ASIC3: variants seen among roughly 807,000 people sequenced by gnomAD.
ASIC3 encodes the protein acid sensing ion channel subunit 3.
In ASIC3, 46 loss-of-function variants were observed where a neutral mutation model predicts 58.6. The observed-to-expected ratio is 0.79, with a 90% CI of 0.62 to 1.00. The LOEUF (loss-of-function observed/expected upper bound fraction) is 1.00, where lower values mean the gene tolerates loss of function less well. ASIC3 is among the 50% of genes least tolerant of loss of function. The pLI is 0.00. For synonymous variants in ASIC3, 336 were observed against 300.2 expected (o/e 1.12, Z -1.23); for missense variants, 770 against 735.0 (o/e 1.05, Z -0.55).
chr7:151,049,075 G>C lies in ASIC3; in HGVS notation c.190G>C (p.Val64Leu). 1 of 1,613,800 alleles carries C rather than the reference G, an allele frequency of 6.2e-7. No homozygotes were observed. Among genetic ancestry groups the C allele is most frequent in the Non-Finnish European group, 8.5e-7 (1 of 1,179,838 alleles). The change falls in exon 1 of 11, where the codon GTG becomes CTG. Residue 64 changes from valine to leucine, a missense_variant. Transcript: ENST00000349064. Reference sequence around the variant, plus strand: ...CTTCCTCTACCAGGTGGCTGAGAGGGTGCGCTACTACAGGGAGTTCCACCA... The same window carrying C: ...CTTCCTCTACCAGGTGGCTGAGAGGCTGCGCTACTACAGGGAGTTCCACCA... ...ATFLYQVAER[V>L]RYYREFHHQT... is the part of the protein sequence containing the mutation.
At position 151,050,578 on chromosome 7, in the gene ASIC3, C is replaced by G; in HGVS notation, c.783C>G (p.Tyr261Ter). The G allele has an allele frequency of 6.2e-7, 1 of 1,614,062 alleles. No homozygotes were observed. Among genetic ancestry groups the G allele is most frequent in the Non-Finnish European group, 8.5e-7 (1 of 1,179,978 alleles). The stretch of plus-strand genomic sequence containing the variant: ...TGGGCTTGGGGGTGTCCCCGGGCTA[C>G]CAGACCTTTGTTTCTTGCCAGCAGC... Reference protein sequence around the residue: ...DQLGLGVSPGYQTFVSCQQQQ... With the variant: ...DQLGLGVSPG The change falls in exon 3 of 11, where the codon TAC becomes TAG. Residue 261 changes from tyrosine to a stop codon, truncating the protein, a stop_gained. Transcript: ENST00000349064. LOFTEE classifies it high-confidence loss of function.
intron 6 of ASIC3, among the ~76,000 whole-genome samples, 184 bp from the exon 7 acceptor site, chr7:151,051,626 C>CA (rs1330828027): frequency 6.6e-6 from 1 of 151,840 alleles, no homozygotes; most frequent in African/African-American, 2.4e-5. Flanking sequence ...AGGCTGGTCT[C>CA]AAACTCCTGG....
rs1028027461 is a variant in ASIC3, at chr7:151,048,574, C to G, written c.-312C>G. 59 of 394,822 alleles carry G rather than the reference C, an allele frequency of 1.5e-4. No individual in the cohort carries two copies. Among genetic ancestry groups the G allele is most frequent in the African/African-American group, 1.1e-3 (54 of 49,750 alleles). 24.5% of individuals were successfully genotyped at this position (394,822 alleles called of 1,614,324 possible). Reference sequence around the variant, plus strand: ...TCAGCACCGCCGGCTCAGCACCGCTCCGCAGCCCCTGCCTGCCACGGTCAG... The same window carrying G: ...TCAGCACCGCCGGCTCAGCACCGCTGCGCAGCCCCTGCCTGCCACGGTCAG... On this transcript the variant is annotated 5_prime_UTR_variant, in exon 1 of 11. Coordinates refer to ENST00000349064, the MANE Select transcript of ASIC3 (RefSeq NM_004769.4).
rs1441378088 is a variant in ASIC3 at position 151,049,182 on chromosome 7, C to T, written c.297C>T (p.Arg99=). ...TGTGCAACATCAACCCACTGCGCCG[C>T]TCGCGCCTAACGCCCAACGACCTGC... The part of the protein sequence containing the change: ...VTLCNINPLR[R]SRLTPNDLHW... The change falls in exon 1 of 11, where the codon CGC becomes CGT. Residue 99 remains arginine (R), a synonymous_variant. Transcript: ENST00000349064. 27 of 1,613,574 alleles carry T rather than the reference C, an allele frequency of 1.7e-5. No individual in the cohort carries two copies. The highest frequency in any genetic ancestry group is 2.2e-5 in the Non-Finnish European group (26 of 1,179,830).
rs767508446 is a variant in ASIC3, at chr7:151,049,132, C to G, written c.247C>G (p.Arg83Gly). The part of the protein sequence containing the change: ...QTALDERESH[R>G]LIFPAVTLCN... ...TGCCCTGGATGAGCGAGAAAGCCAC[C>G]GGCTCATCTTCCCGGCTGTCACCCT... The change falls in exon 1 of 11, where the codon CGG becomes GGG. Residue 83 changes from arginine to glycine, a missense_variant. Coordinates refer to ENST00000349064, the MANE Select transcript of ASIC3 (RefSeq NM_004769.4). 1.9e-5 allele frequency: 30 copies of G among 1,613,744 alleles called. No homozygotes were observed. The Middle Eastern group carries it at 8.2e-4, about 44-fold the overall frequency.
Position 151,049,029 on chromosome 7 carries a change from C to T in ASIC3, c.144C>T (p.Ala48=), listed in dbSNP as rs746112554. ...TGCGCCGGGGGATGTGGGCAGCGGC[C>T]GTGGTCCTGTCAGTGGCCACCTTCC... The part of the protein sequence containing the change: ...LSLRRGMWAA[A]VVLSVATFLY... The change falls in exon 1 of 11, where the codon GCC becomes GCT. Residue 48 remains alanine, a synonymous_variant. Transcript: ENST00000349064. 14 of 1,613,674 alleles carry T rather than the reference C, an allele frequency of 8.7e-6. No homozygotes were observed. The highest frequency in any genetic ancestry group is 3.3e-4 in the Middle Eastern group (2 of 6,060).
chr7:151,050,309 C>G, intron 2 of ASIC3, 53 bp downstream of exon 2: 1 of 1,588,384 alleles, frequency 6.3e-7, no homozygotes, highest in Non-Finnish European at 8.6e-7. Flanking sequence ...GTGCAAAAGG[C>G]TAGGGGAAGG....
In ASIC3 at chr7:151,048,684, T is replaced by G. The variant is rs1796684689; in HGVS notation, c.-202T>G. 3 of 620,736 alleles carry G rather than the reference T, an allele frequency of 4.8e-6. No individual in the cohort carries two copies. In the African/African-American group the frequency reaches 5.5e-5, roughly 11 times the overall value. The allele number at this position is 620,736 out of a possible 1,614,324, so 38.5% of individuals were successfully genotyped here. On this transcript the variant is annotated 5_prime_UTR_variant, in exon 1 of 11. Transcript: ENST00000349064. Reference sequence around the variant, plus strand: ...CCGCCTGTTCCTCGGGAAGGAACAGTGGGACCTGACCGGCCAGATCACCTC... The same window carrying G: ...CCGCCTGTTCCTCGGGAAGGAACAGGGGGACCTGACCGGCCAGATCACCTC...
chr7:151,051,269 C>T lies in ASIC3; in HGVS notation c.1164C>T (p.Ala388=), dbSNP rs780339201. The part of the protein sequence containing the change: ...ELSMVRIPSR[A]AARFLARKLN... ...CCATGGTGCGGATCCCGAGCCGCGC[C>T]GCCGCGCGCTTCCTGGCCCGGAAGC... The change falls in exon 6 of 11, where the codon GCC becomes GCT. Residue 388 remains alanine (A), a synonymous_variant. Coordinates refer to ENST00000349064, the MANE Select transcript of ASIC3 (RefSeq NM_004769.4). 9 of 1,530,278 alleles carry T rather than the reference C, an allele frequency of 5.9e-6. No individual in the cohort carries two copies. The South Asian group carries it at 1.1e-4, about 18-fold the overall frequency. 94.8% of individuals were successfully genotyped at this position (1,530,278 alleles called of 1,614,324 possible). A position where few individuals can be genotyped will look rare whatever the true frequency, so the allele number is the denominator to read the frequency against.
intron 7 of ASIC3, 31 bp downstream of exon 7, chr7:151,051,932 G>T (rs201230822): frequency 2.5e-6 from 4 of 1,613,388 alleles, no homozygotes; most frequent in South Asian, 2.2e-5. Flanking sequence ...GGGCTGGGGG[G>T]GTGTGGGCAG....
intron 5 of ASIC3, 30 bp from the exon 6 acceptor site, chr7:151,051,142 G>A (rs772300980): frequency 1.3e-6 from 2 of 1,599,374 alleles, no homozygotes; most frequent in Non-Finnish European, 1.7e-6. Context: ...CTCCGCCCGC[G>A]GGCGTCTGAC....
Position 151,052,325 on chromosome 7 carries a change from AG to A in ASIC3, c.1459-89del. On this transcript the variant is annotated intron_variant, in intron 9 of 10. Transcript: ENST00000349064. This position sits in a 1 kb window ranked among gnomAD's most constrained non-coding sequence, Gnocchi z 5.0. ...CTAGACCACCATCCCGCCCCAGCTG[AG>A]GAGAAACAGGCAGGAGGGTGTGCAG... is the stretch of plus-strand genomic sequence containing the variant. 6.2e-7 allele frequency: 1 copy of A among 1,612,460 alleles called. No homozygotes were observed. Among genetic ancestry groups the A allele is most frequent in the Non-Finnish European group, 8.5e-7 (1 of 1,179,258 alleles).
rs991316258 is a variant in ASIC3 at position 151,052,205 on chromosome 7, C to T, written c.1426C>T (p.Gln476Ter). ...DKVLGYFWNR[Q>*]HSQRHSSTNL... ...GGTCCTGGGATATTTCTGGAACCGA[C>T]AGCACTCCCAAAGGCACTCCAGCAC... Residue 476 changes from glutamine to a stop codon, truncating the protein, a stop_gained, in exon 9 of 11, where the codon CAG becomes TAG. Coordinates refer to ENST00000349064, the MANE Select transcript of ASIC3 (RefSeq NM_004769.4). LOFTEE classifies it high-confidence loss of function. The surrounding 1 kb of genome is among the most constrained non-coding windows in gnomAD (Gnocchi z 5.0). 6.2e-7 allele frequency: 1 copy of T among 1,614,092 alleles called. No individual in the cohort carries two copies. The highest frequency in any genetic ancestry group is 1.1e-5 in the South Asian group (1 of 91,078).
rs372720603 is a variant in ASIC3 at position 151,048,931 on chromosome 7, G to A, written c.46G>A (p.Asp16Asn). The change falls in exon 1 of 11, where the codon GAC becomes AAC. Residue 16 changes from aspartate (D) to asparagine (N), a missense_variant. By Grantham distance (23) the Asp-to-Asn change is conservative. Transcript: ENST00000349064. ...GPEEARRPASDIRVFASNCSM... is the reference protein window; with the variant it reads ...GPEEARRPASNIRVFASNCSM... ...AGAGGAGGCCCGGCGGCCAGCCTCGGACATCCGCGTGTTCGCCAGCAACTG... is the reference window on the plus strand; with the variant it reads ...AGAGGAGGCCCGGCGGCCAGCCTCGAACATCCGCGTGTTCGCCAGCAACTG... 1.3e-6 allele frequency: 2 copies of A among 1,572,758 alleles called. No homozygotes were observed. Among genetic ancestry groups the A allele is most frequent in the Non-Finnish European group, 1.7e-6 (2 of 1,155,794 alleles).
intron 5 of ASIC3, 38 bp from the exon 6 acceptor site, chr7:151,051,134 C>T (rs1273492214): frequency 6.2e-7 from 1 of 1,600,812 alleles, no homozygotes; most frequent in Non-Finnish European, 8.5e-7. Context: ...CCGCCCCGCT[C>T]CGCCCGCGGG....
chr7:151,051,177 A>G lies in ASIC3; in HGVS notation c.1072A>G (p.Met358Val), dbSNP rs779149324. 5 of 1,594,096 alleles carry G rather than the reference A, an allele frequency of 3.1e-6. No homozygotes were observed. Among genetic ancestry groups the G allele is most frequent in the African/African-American group, 1.3e-5 (1 of 74,488 alleles). ...CGCGGCCCGGTGGCCCGCAGATGCCATGCTTCGCAAGGACTCGTGCGCCTG... is the reference window on the plus strand; with the variant it reads ...CGCGGCCCGGTGGCCCGCAGATGCCGTGCTTCGCAAGGACTCGTGCGCCTG... The part of the protein sequence containing the change: ...KNCAHPAIDA[M>V]LRKDSCACPN... Residue 358 changes from methionine to valine, a missense_variant, in exon 6 of 11, where the codon ATG becomes GTG. Met to Val is a conservative substitution (Grantham distance 21, BLOSUM62 1). Transcript: ENST00000349064.
intron 1 of ASIC3, 129 bp downstream of exon 1, chr7:151,049,548 T>TGGTA (rs1796717250): frequency 8.8e-7 from 1 of 1,142,732 alleles, no homozygotes; most frequent in Admixed American, 2.7e-5. Context: ...CTACCAGCCA[T>TGGTA]GGACTCCCCA....
Position 151,049,367 on chromosome 7 carries a change from T to C in ASIC3, c.482T>C (p.Leu161Pro). The change falls in exon 1 of 11, where the codon CTG becomes CCG. Residue 161 changes from leucine (L) to proline (P), a missense_variant. Physicochemically the swap from Leu to Pro is moderately conservative, Grantham distance 98. Transcript: ENST00000349064. ...GCTGGGCACTCCCTGGATGACATGCTGCTGGACTGTCGCTTCCGTGGCCAA... is the reference window on the plus strand; with the variant it reads ...GCTGGGCACTCCCTGGATGACATGCCGCTGGACTGTCGCTTCCGTGGCCAA... The part of the protein sequence containing the change: ...ARAGHSLDDM[L>P]LDCRFRGQPC... The C allele has an allele frequency of 2.5e-6, 4 of 1,610,552 alleles. No homozygotes were observed. Among genetic ancestry groups the C allele is most frequent in the Non-Finnish European group, 3.4e-6 (4 of 1,178,452 alleles).
chr7:151,051,675 G>T, intron 6 of ASIC3, 135 bp from the exon 7 acceptor site: 2 of 861,728 alleles, frequency 2.3e-6, no homozygotes, highest in Non-Finnish European at 3.7e-6. Context: ...AAAGTGCAGG[G>T]AGTACAGGTG....
Sources: gnomAD v4.1 joint callset for allele counts (sites outside exome capture counted in the v4.1 genomes callset) on GRCh38, gnomAD v4.1.1 for gene constraint, Gnocchi (gnomAD v3.1) non-coding constraint, MANE v1.5 for transcripts, NCBI Gene and HGNC (gene_info 2026-07-23, HGNC 2026-07-21) for gene names.